The following RAB38 variants were observed in gnomAD, a reference collection of about 807,000 sequenced individuals.
The protein encoded by RAB38 is RAB38, member RAS oncogene family, also known as ras-related protein Rab-38.
Under a neutral mutation model 18.4 loss-of-function variants are expected in RAB38, and 15 were observed. That is an observed-to-expected ratio of 0.82 (90% CI 0.55 to 1.26). The LOEUF (loss-of-function observed/expected upper bound fraction) is 1.26. Ranked by LOEUF, RAB38 falls within the 50% of genes most tolerant of loss-of-function variation. The pLI, the probability that RAB38 is intolerant of heterozygous loss-of-function variation, is 0.00. For synonymous variants in RAB38, 101 were observed against 104.4 expected (o/e 0.97, Z 0.20); for missense variants, 294 against 267.4 (o/e 1.10, Z -0.69).
the RAB38 span, among the ~76,000 whole-genome samples, chr11:87,872,644 C>G: frequency 6.6e-6 from 1 of 151,496 alleles, no homozygotes; most frequent in Admixed American, 6.6e-5. Flanking sequence ...ATTACTGTCT[C>G]CATAGTTTTA....
the RAB38 span, among the ~76,000 whole-genome samples, chr11:87,945,311 T>C: frequency 6.6e-6 from 1 of 152,116 alleles, no homozygotes; most frequent in East Asian, 1.9e-4. Context: ...CATTTACAAA[T>C]GTGGACAGAG....
At position 88,151,219 on chromosome 11, in the gene RAB38, T is replaced by G. The variant is rs563240043; in HGVS notation, c.203-1264A>C. On this transcript the variant is annotated intron_variant, in intron 1 of 2. Coordinates refer to ENST00000243662, the MANE Select transcript of RAB38 (RefSeq NM_022337.3). ...GCAGAGTTTTGCCATGTGGATGAAG[T>G]GAATTAATATATGCAAAGCACCCAG... Among the ~76,000 whole-genome samples, 19 of 152,288 alleles carry G rather than the reference T, an allele frequency of 1.2e-4. No homozygotes were observed. The East Asian group carries it at 3.7e-3, about 29-fold the overall frequency.
chr11:87,861,039 A>C, the RAB38 span, among the ~76,000 whole-genome samples: 3 of 151,994 alleles, frequency 2.0e-5, no homozygotes, highest in Non-Finnish European at 4.4e-5. Flanking sequence ...TTCACGCTTT[A>C]TAAAATCTTT....
chr11:88,043,772 T>C, the RAB38 span, among the ~76,000 whole-genome samples: 1 of 152,314 alleles, frequency 6.6e-6, no homozygotes, highest in East Asian at 1.9e-4. Context: ...AAAGCCTGTT[T>C]GGTGGTCTCT....
chr11:88,146,562 T>C (rs1055254507), intron 2 of RAB38, among the ~76,000 whole-genome samples: 15 of 152,248 alleles, frequency 9.9e-5, no homozygotes, highest in African/African-American at 3.6e-4. Flanking sequence ...CAGTTTAATC[T>C]AGGCCTCAGT....
the RAB38 span, among the ~76,000 whole-genome samples, chr11:87,976,160 C>A: frequency 1.4e-5 from 2 of 144,848 alleles, no homozygotes; most frequent in South Asian, 2.1e-4. Flanking sequence ...ATATATATAC[C>A]TTTATGTATA....
At chr11:88,074,922 A>G in the RAB38 span, among the ~76,000 whole-genome samples, 1 of 152,204 alleles carries the variant, frequency 6.6e-6, no homozygotes, top group African/African-American at 2.4e-5. Context: ...ATCAAATAAA[A>G]TAGACTGCAA....
the RAB38 span, among the ~76,000 whole-genome samples, chr11:88,033,724 C>T: frequency 7.4e-5 from 6 of 80,794 alleles, no homozygotes; most frequent in African/African-American, 2.4e-4. Context: ...TGTTGTGTTG[C>T]CTTTTTTTTT....
chr11:87,873,922 G>GTATATA, the RAB38 span, among the ~76,000 whole-genome samples: 23,663 of 102,644 alleles, frequency 0.23, 3,328 homozygotes, highest in South Asian at 0.38. Context: ...GTGTGTGTGT[G>GTATATA]TATATATATA....
chr11:88,043,112 A>G, the RAB38 span, among the ~76,000 whole-genome samples: 1 of 152,232 alleles, frequency 6.6e-6, no homozygotes, highest in Admixed American at 6.5e-5. Context: ...TAAAGAGATC[A>G]GAAATCATCT....
the RAB38 span, among the ~76,000 whole-genome samples, chr11:87,862,168 C>A: frequency 6.6e-6 from 1 of 151,848 alleles, no homozygotes; most frequent in African/African-American, 2.4e-5. Flanking sequence ...TGGGTATGTT[C>A]AGAAAGGAAT....
the RAB38 span, among the ~76,000 whole-genome samples, chr11:88,075,067 T>C: frequency 6.6e-6 from 1 of 152,164 alleles, no homozygotes; most frequent in Non-Finnish European, 1.5e-5. Flanking sequence ...TAATTATTAT[T>C]AAAGAGAAAG....
At chr11:88,021,617 G>A in the RAB38 span, among the ~76,000 whole-genome samples, 2,393 of 148,448 alleles carry the variant, frequency 0.016, 68 homozygotes, top group African/African-American at 0.056. Context: ...TTGAGACAGA[G>A]TTTTGCTCCG....
chr11:88,068,898 C>T, the RAB38 span, among the ~76,000 whole-genome samples: 5 of 152,204 alleles, frequency 3.3e-5, no homozygotes, highest in Admixed American at 6.5e-5. Context: ...AACATGCTGG[C>T]GGCCCTTGCT....
the RAB38 span, among the ~76,000 whole-genome samples, chr11:87,878,511 AAG>A: frequency 6.6e-6 from 1 of 151,508 alleles, no homozygotes; most frequent in Non-Finnish European, 1.5e-5. Flanking sequence ...CTGCAAAATA[AAG>A]AGGGAGTGTT....
At chr11:88,153,814 T>C (rs1943092217) in intron 1 of RAB38, among the ~76,000 whole-genome samples, 1 of 152,238 alleles carries the variant, frequency 6.6e-6, no homozygotes, top group African/African-American at 2.4e-5. Context: ...AACTGCTATT[T>C]CTTTTTTTCC....
At chr11:88,050,266 C>T in the RAB38 span, 1 of 152,102 alleles carries the variant, frequency 6.6e-6, no homozygotes, top group Non-Finnish European at 1.5e-5. Context: ...GAGGTTTGTC[C>T]CTCTGATGAT....
At chr11:88,020,490 A>G in the RAB38 span, among the ~76,000 whole-genome samples, 1 of 152,180 alleles carries the variant, frequency 6.6e-6, no homozygotes, top group Non-Finnish European at 1.5e-5. Context: ...ATAGACTCCA[A>G]TACAATAATA....
At chr11:87,822,247 T>C in the RAB38 span, among the ~76,000 whole-genome samples, 1 of 152,294 alleles carries the variant, frequency 6.6e-6, no homozygotes, top group East Asian at 1.9e-4. Context: ...TTATTCTCTA[T>C]AATTTAACAA....
Sources: allele counts gnomAD v4.1 joint callset (sites outside exome capture counted in the v4.1 genomes callset), GRCh38; gene constraint gnomAD v4.1.1; transcripts MANE v1.5; gene names NCBI Gene and HGNC (gene_info 2026-07-23, HGNC 2026-07-21).